The following ALCAM variants were observed in gnomAD, a reference collection of about 807,000 sequenced individuals.
ALCAM encodes activated leukocyte cell adhesion molecule, also known as CD166 antigen.
A neutral mutation model predicts 70.9 loss-of-function variants in ALCAM; 30 were observed. The observed-to-expected ratio is 0.42, with a 90% CI of 0.32 to 0.57. The LOEUF (loss-of-function observed/expected upper bound fraction) is 0.57. Ranked by LOEUF, ALCAM falls within the 20% of genes least tolerant of loss-of-function variation. ALCAM has a pLI of 0.11. For missense variants in ALCAM, 591 were observed against 695.1 expected, an observed-to-expected ratio of 0.85 and a Z score of 1.68; for synonymous variants, 249 against 242.5, an observed-to-expected ratio of 1.03 and a Z score of -0.25.
chr3:105,529,788 C>A (rs1271298168), intron 3 of ALCAM, among the ~76,000 whole-genome samples: 1 of 151,996 alleles, frequency 6.6e-6, no homozygotes, highest in South Asian at 2.1e-4. Flanking sequence ...CACTGAAATA[C>A]AAAGTGTTTA....
At chr3:105,523,073 G>A (rs1939588462) in intron 2 of ALCAM, among the ~76,000 whole-genome samples, 1 of 148,234 alleles carries the variant, frequency 6.7e-6, no homozygotes, top group Non-Finnish European at 1.5e-5. Context: ...CCGGGAGGCG[G>A]AGCTTGCAGT....
chr3:105,442,265 AC>A (rs1447408107), intron 1 of ALCAM, among the ~76,000 whole-genome samples: 1 of 152,160 alleles, frequency 6.6e-6, no homozygotes, highest in Non-Finnish European at 1.5e-5. Context: ...GGGCCCTGTT[AC>A]CTTTTAAACA....
At chr3:105,368,929 C>A (rs760623422) in intron 1 of ALCAM, among the ~76,000 whole-genome samples, 1 of 152,148 alleles carries the variant, frequency 6.6e-6, no homozygotes, top group African/African-American at 2.4e-5. Flanking sequence ...ATAGTTCAAC[C>A]GGATTTAAAG....
intron 1 of ALCAM, among the ~76,000 whole-genome samples, chr3:105,474,517 T>A (rs1364263073): frequency 6.6e-6 from 1 of 151,632 alleles, no homozygotes; most frequent in Non-Finnish European, 1.5e-5. Context: ...GTAACTTCAT[T>A]CATTATTGGT....
Position 105,367,099 on chromosome 3 carries a change from C to G in ALCAM, c.-310C>G. ...AAAAGAAGATACCAGCGAAAAGAAC[C>G]GCTTACACCTTTCCGAATTACTCAA... On this transcript the variant is annotated 5_prime_UTR_variant, in exon 1 of 16. Transcript: ENST00000306107. 6.3e-6 allele frequency: 2 copies of G among 318,472 alleles called. No homozygotes were observed. The highest frequency in any genetic ancestry group is 4.2e-5 in the South Asian group (1 of 23,584). 19.7% of individuals were successfully genotyped at this position (318,472 alleles called of 1,614,324 possible). A position where few individuals can be genotyped will look rare whatever the true frequency, so the allele number is the denominator to read the frequency against.
intron 1 of ALCAM, among the ~76,000 whole-genome samples, chr3:105,412,549 C>T (rs779881073): frequency 6.6e-5 from 10 of 151,930 alleles, no homozygotes; most frequent in Admixed American, 1.3e-4. Context: ...TGCACTTTTG[C>T]GTTTGGGAAG....
chr3:105,524,230 G>A (rs2152624253), intron 2 of ALCAM, 59 bp from the exon 3 acceptor site: 1 of 1,374,764 alleles, frequency 7.3e-7, no homozygotes, highest in African/African-American at 1.5e-5. Context: ...TATTTTGAAT[G>A]TAATCCTGAA....
intron 3 of ALCAM, 49 bp downstream of exon 3, chr3:105,524,557 A>T: frequency 6.2e-7 from 1 of 1,607,994 alleles, no homozygotes. Flanking sequence ...GATGGCCAGT[A>T]CCAGACCATG....
intron 1 of ALCAM, among the ~76,000 whole-genome samples, chr3:105,460,420 C>G (rs1320119663): frequency 6.6e-6 from 1 of 151,970 alleles, no homozygotes; most frequent in Non-Finnish European, 1.5e-5. Context: ...CACCAATTGT[C>G]TCTTAGATCA....
intron 1 of ALCAM, among the ~76,000 whole-genome samples, chr3:105,485,818 C>G (rs770087119): frequency 4.6e-5 from 7 of 151,980 alleles, no homozygotes; most frequent in Non-Finnish European, 7.4e-5. Context: ...CTTGTAAGGT[C>G]AATTTAGTAA....
At chr3:105,454,457 C>T (rs1298363303) in intron 1 of ALCAM, among the ~76,000 whole-genome samples, 2 of 152,030 alleles carry the variant, frequency 1.3e-5, no homozygotes, top group Non-Finnish European at 2.9e-5. Context: ...TCCCCGCATG[C>T]TTTCCTCTAT....
intron 1 of ALCAM, among the ~76,000 whole-genome samples, chr3:105,395,084 A>G (rs1935917106): frequency 6.6e-6 from 1 of 151,966 alleles, no homozygotes; most frequent in South Asian, 2.1e-4. Context: ...CTTATTCTCA[A>G]AGTTTATCTT....
intron 1 of ALCAM, among the ~76,000 whole-genome samples, chr3:105,395,871 G>T (rs1028115312): frequency 5.9e-5 from 9 of 151,842 alleles, no homozygotes; most frequent in African/African-American, 2.2e-4. Context: ...TGATTCTAAG[G>T]CCATATGGCA....
intron 2 of ALCAM, among the ~76,000 whole-genome samples, chr3:105,521,907 T>G (rs1350941003): frequency 6.6e-6 from 1 of 152,200 alleles, no homozygotes; most frequent in Non-Finnish European, 1.5e-5. Context: ...CCTATAAATG[T>G]GGAAATGTGA....
chr3:105,547,144 A>G lies in ALCAM; in HGVS notation c.1105-5A>G. On this transcript the variant is annotated splice_region_variant and splice_polypyrimidine_tract_variant and intron_variant, in intron 9 of 15. Transcript: ENST00000306107. The stretch of plus-strand genomic sequence containing the variant: ...CATGAGGTAATTTACTTTTTATTTA[A>G]TCAGGATAACATCAGGCTTCGATCT... 1 of 1,546,736 alleles carries G rather than the reference A, an allele frequency of 6.5e-7. No homozygotes were observed. Among genetic ancestry groups the G allele is most frequent in the Non-Finnish European group, 8.7e-7 (1 of 1,149,726 alleles).
At chr3:105,507,661 T>G (rs1939119203) in intron 1 of ALCAM, among the ~76,000 whole-genome samples, 1 of 152,214 alleles carries the variant, frequency 6.6e-6, no homozygotes, top group Non-Finnish European at 1.5e-5. Context: ...ATTTTTTCAT[T>G]CATCTGTTGA....
intron 7 of ALCAM, among the ~76,000 whole-genome samples, chr3:105,540,645 C>T (rs963513987): frequency 6.6e-6 from 1 of 151,964 alleles, no homozygotes; most frequent in Non-Finnish European, 1.5e-5. Flanking sequence ...AAATTCCTCT[C>T]GGATGTGCTC....
chr3:105,556,592 G>A (rs757625844), intron 14 of ALCAM, among the ~76,000 whole-genome samples: 4 of 151,994 alleles, frequency 2.6e-5, no homozygotes, highest in Non-Finnish European at 4.4e-5. Context: ...AAGGGCTAAA[G>A]AGGACTTGCC....
chr3:105,402,838 G>A (rs1028510164), intron 1 of ALCAM, among the ~76,000 whole-genome samples: 1 of 151,896 alleles, frequency 6.6e-6, no homozygotes, highest in African/African-American at 2.4e-5. Context: ...TAATCTCCTG[G>A]GAGCCCTATA....
Sources: allele counts gnomAD v4.1 joint callset (sites outside exome capture counted in the v4.1 genomes callset), GRCh38; gene constraint gnomAD v4.1.1; transcripts MANE v1.5; gene names NCBI Gene and HGNC (gene_info 2026-07-23, HGNC 2026-07-21).